Variants in SOD2 observed in about 807,000 individuals in gnomAD.
SOD2 encodes superoxide dismutase 2, also known as superoxide dismutase [Mn], mitochondrial.
SOD2 carries 11 observed loss-of-function variants against 27.0 expected under a neutral mutation model. That is an observed-to-expected ratio of 0.41 (90% CI 0.26 to 0.67). The LOEUF is 0.67. Among genes scored for constraint, SOD2 ranks in the 30% least tolerant of loss-of-function variants. The probability of loss-of-function intolerance (pLI) is 0.34; values close to 1 mark genes in which losing one functional copy is unlikely to be tolerated. For synonymous variants in SOD2, 105 were observed against 103.0 expected, an observed-to-expected ratio of 1.02 and a Z score of -0.12; for missense variants, 250 against 274.5, an observed-to-expected ratio of 0.91 and a Z score of 0.63.
At chr6:159,713,284 T>A (rs1439405602) in intron 1 of SOD2, 2 of 676,764 alleles carry the variant, frequency 3.0e-6, no homozygotes, top group African/African-American at 1.8e-5. Flanking sequence ...CTCTATACCC[T>A]CCACCATAGG....
chr6:159,749,127 T>A, upstream of SOD2: 1 of 986,206 alleles, frequency 1.0e-6, no homozygotes, highest in East Asian at 1.1e-4. Flanking sequence ...GCAAAAACTG[T>A]AGATAATCTT....
chr6:159,761,643 G>A (rs1780128506), exon 1 of SOD2: 2 of 449,512 alleles, frequency 4.4e-6, no homozygotes, highest in South Asian at 1.6e-5. Flanking sequence ...TGAGCTGAAC[G>A]AGAGATAAGT....
At chr6:159,742,014 T>TTTA in intron 1 of SOD2, 1 of 1,098,844 alleles carries the variant, frequency 9.1e-7, no homozygotes, top group Non-Finnish European at 1.3e-6. Context: ...AATCTGTGAG[T>TTTA]TTATAGATAT....
At chr6:159,688,381 A>C (rs1583013499) in intron 2 of SOD2, 139 bp from the exon 3 acceptor site, 32 of 587,642 alleles carry the variant, frequency 5.4e-5, no homozygotes, top group Non-Finnish European at 7.6e-5. Context: ...AAAATTCAGC[A>C]CCCCCCCGCC....
chr6:159,685,672 CCG>C (rs1780156820), intron 3 of SOD2, among the ~76,000 whole-genome samples: 1 of 40,590 alleles, frequency 2.5e-5, no homozygotes, highest in African/African-American at 9.6e-5. Flanking sequence ...TTTTCACCCC[CCG>C]TCCCCTTCTT....
chr6:159,717,946 T>C (rs374757226), intron 1 of SOD2, among the ~76,000 whole-genome samples: 1 of 151,752 alleles, frequency 6.6e-6, no homozygotes, highest in African/African-American at 2.4e-5. Flanking sequence ...TATATATATA[T>C]ACACTCACAC....
chr6:159,673,511 A>G lies in SOD2; in HGVS notation c.*8982T>C, dbSNP rs376599695. 6 of 152,174 alleles carry G rather than the reference A, an allele frequency of 3.9e-5. No homozygotes were observed. Among genetic ancestry groups the G allele is most frequent in the Non-Finnish European group, 8.8e-5 (6 of 68,014 alleles). 9.4% of individuals were successfully genotyped at this position (152,174 alleles called of 1,614,324 possible). On this transcript the variant is annotated 3_prime_UTR_variant, in exon 5 of 5. Coordinates refer to ENST00000538183, the MANE Select transcript of SOD2 (RefSeq NM_000636.4). ...CCTGAATGACTACTGGGTACATAAC[A>G]AAATGAAGGCAGAAATAAAGATGTT...
At chr6:159,716,161 C>T (rs377702425) in intron 1 of SOD2, among the ~76,000 whole-genome samples, 46 of 152,276 alleles carry the variant, frequency 3.0e-4, no homozygotes, top group African/African-American at 8.2e-4. Flanking sequence ...AATGCCCTTC[C>T]TCTCTAAGTT....
chr6:159,685,538 G>A (rs907495168), intron 3 of SOD2, among the ~76,000 whole-genome samples: 10 of 151,956 alleles, frequency 6.6e-5, no homozygotes, highest in Non-Finnish European at 1.2e-4. Flanking sequence ...CACCGTGCCC[G>A]GTTCAAATTT....
chr6:159,712,704 C>T (rs1777849198), intron 1 of SOD2: 3 of 372,956 alleles, frequency 8.0e-6, no homozygotes, highest in East Asian at 7.5e-5. Flanking sequence ...CTGCTCTGAC[C>T]TCCATAACCA....
intron 1 of SOD2, among the ~76,000 whole-genome samples, chr6:159,752,370 T>C (rs1284923500): frequency 1.3e-5 from 2 of 152,180 alleles, no homozygotes; most frequent in East Asian, 3.8e-4. Flanking sequence ...TCTTTTTTCA[T>C]AAATAATTAC....
Position 159,681,831 on chromosome 6 carries a change from C to T in SOD2, c.*662G>A, listed in dbSNP as rs1779976267. On this transcript the variant is annotated 3_prime_UTR_variant, in exon 5 of 5. Transcript: ENST00000538183. ...CTGCCCAATTCTCCTTGCTTGGCGC[C>T]CTGCAAATAAACATCCTCCTTTCTC... 1 of 152,164 alleles carries T rather than the reference C, an allele frequency of 6.6e-6. No homozygotes were observed. Among genetic ancestry groups the T allele is most frequent in the South Asian group, 2.1e-4 (1 of 4,826 alleles). 9.4% of individuals were successfully genotyped at this position (152,164 alleles called of 1,614,324 possible). A position where few individuals can be genotyped will look rare whatever the true frequency, so the allele number is the denominator to read the frequency against.
At chr6:159,703,982 T>C (rs372822027) in intron 1 of SOD2, among the ~76,000 whole-genome samples, 6 of 152,292 alleles carry the variant, frequency 3.9e-5, no homozygotes, top group South Asian at 2.1e-4. Flanking sequence ...CTGTTAAACT[T>C]TTGTTTTCTT....
intron 1 of SOD2, among the ~76,000 whole-genome samples, chr6:159,707,022 G>A (rs1777640249): frequency 6.6e-6 from 1 of 151,888 alleles, no homozygotes. Flanking sequence ...ATGACTACTG[G>A]GTACATAATG....
chr6:159,727,073 C>G (rs1324145949), intron 1 of SOD2: 2 of 1,207,036 alleles, frequency 1.7e-6, no homozygotes, highest in South Asian at 1.5e-5. Context: ...CCGTGATGCC[C>G]TGGGGCTGAC....
intron 1 of SOD2, among the ~76,000 whole-genome samples, chr6:159,700,112 A>G (rs958641260): frequency 6.6e-6 from 1 of 152,230 alleles, no homozygotes; most frequent in African/African-American, 2.4e-5. Context: ...CTAGTCAGCT[A>G]TATGTTGGTA....
At chr6:159,702,850 G>GAAAAAAAAAAAA (rs35570449) in intron 1 of SOD2, among the ~76,000 whole-genome samples, 1 of 30,666 alleles carries the variant, frequency 3.3e-5, no homozygotes, top group Non-Finnish European at 5.9e-5. Flanking sequence ...ACCCTATCTC[G>GAAAAAAAAAAAA]AAAAAAAAAA....
At chr6:159,749,836 A>G (rs960075356), upstream of SOD2, among the ~76,000 whole-genome samples, 1 of 152,218 alleles carries the variant, frequency 6.6e-6, no homozygotes, top group Non-Finnish European at 1.5e-5. Flanking sequence ...CTTCCATCCA[A>G]TCCTGGAGGT....
chr6:159,723,911 AC>A (rs1490592003), intron 1 of SOD2, among the ~76,000 whole-genome samples: 2 of 152,130 alleles, frequency 1.3e-5, no homozygotes, highest in Non-Finnish European at 1.5e-5. Context: ...GGCACAGGCC[AC>A]CACCCCTGGC....
Sources: allele counts gnomAD v4.1 joint callset (sites outside exome capture counted in the v4.1 genomes callset), GRCh38; gene constraint gnomAD v4.1.1; transcripts MANE v1.5; gene names NCBI Gene and HGNC (gene_info 2026-07-23, HGNC 2026-07-21).